Variants in NGLY1 observed in about 807,000 individuals in gnomAD.
NGLY1 encodes peptide-N(4)-(N-acetyl-beta-glucosaminyl)asparagine amidase.
NGLY1 carries 68 observed loss-of-function variants against 84.6 expected under a neutral mutation model. That is an observed-to-expected ratio of 0.80 (90% CI 0.66 to 0.98). The LOEUF is 0.98. Ranked by LOEUF, NGLY1 falls within the 50% of genes least tolerant of loss-of-function variation. The pLI is 0.00. For synonymous variants in NGLY1, 280 were observed against 275.2 expected (o/e 1.02, Z -0.17); for missense variants, 779 against 770.2 (o/e 1.01, Z -0.14).
chr3:25,736,217 A>G, intron 6 of NGLY1, 68 bp from the exon 7 acceptor site: 1 of 1,580,654 alleles, frequency 6.3e-7, no homozygotes, highest in Non-Finnish European at 8.6e-7. Flanking sequence ...TTCAATAACT[A>G]TACACAAACT....
chr3:25,764,333 A>T, intron 2 of NGLY1, 22 bp from the exon 3 acceptor site: 1 of 1,602,392 alleles, frequency 6.2e-7, no homozygotes, highest in South Asian at 1.1e-5. Flanking sequence ...AAAATTAAAA[A>T]AAATGTGAAC....
At position 25,732,440 on chromosome 3, in the gene NGLY1, T is replaced by C. The variant is rs372323207; in HGVS notation, c.1304A>G (p.Gln435Arg). The part of the protein sequence containing the change: ...LSENRRKELL[Q>R]RIIVELVEFI... ...TTCAACAAGCTCCACAATTATCCTC[T>C]GGAGAAGTTCTTTCCTTCTGTTTTC... The change falls in exon 9 of 12, where the codon CAG becomes CGG. Residue 435 changes from glutamine (Q) to arginine (R), a missense_variant. Transcript: ENST00000280700. The C allele has an allele frequency of 6.2e-6, 10 of 1,613,524 alleles. No homozygotes were observed. The African/African-American group carries it at 1.3e-4, about 22-fold the overall frequency.
intron 5 of NGLY1, among the ~76,000 whole-genome samples, chr3:25,738,495 G>A (rs1705955719): frequency 6.6e-6 from 1 of 152,154 alleles, no homozygotes. Context: ...AGAGAGGTCA[G>A]CCACGTGCTT....
At chr3:25,783,634 G>A (rs1708532321), upstream of NGLY1, 1 of 305,298 alleles carries the variant, frequency 3.3e-6, no homozygotes, top group African/African-American at 2.3e-5. This position sits in a 1 kb window ranked among gnomAD's most constrained non-coding sequence, Gnocchi z 4.5. Context: ...GTCGGGGACC[G>A]GGGCCAGGAG....
intron 2 of NGLY1, chr3:25,777,700 C>G (rs1376776297): frequency 1.3e-5 from 2 of 152,146 alleles, no homozygotes; most frequent in African/African-American, 4.8e-5. Flanking sequence ...TATTCTATTA[C>G]CTGGTCTTAT....
intron 10 of NGLY1, 142 bp from the exon 11 acceptor site, chr3:25,720,333 G>T: frequency 1.6e-6 from 1 of 606,828 alleles, no homozygotes; most frequent in Non-Finnish European, 2.6e-6. Context: ...TGTTGAAAAG[G>T]TTCTTACTGC....
Position 25,729,214 on chromosome 3 carries a change from G to A in NGLY1, c.1530C>T (p.Asn510=). ...VKDRYVRVSN[N]NQTISGWENG... is the part of the protein sequence containing the mutation. ...TCTCCCATCCAGAAATGGTTTGATT[G>A]TTATTTGAAACTCGAACATAACGAT... Residue 510 remains asparagine, a synonymous_variant, in exon 10 of 12, where the codon AAC becomes AAT. Transcript: ENST00000280700. 1.3e-6 allele frequency: 2 copies of A among 1,567,422 alleles called. No homozygotes were observed. The highest frequency in any genetic ancestry group is 2.3e-5 in the East Asian group (1 of 42,918).
At chr3:25,744,328 T>C (rs1049368718) in intron 4 of NGLY1, among the ~76,000 whole-genome samples, 5 of 152,250 alleles carry the variant, frequency 3.3e-5, no homozygotes, top group Non-Finnish European at 5.9e-5. Flanking sequence ...CATGCAATCA[T>C]GACAAACCTT....
intron 10 of NGLY1, among the ~76,000 whole-genome samples, chr3:25,728,758 C>T (rs1705388054): frequency 6.6e-6 from 1 of 151,876 alleles, no homozygotes; most frequent in South Asian, 2.1e-4. Context: ...AATGGGCAAT[C>T]AATACACATC....
intron 10 of NGLY1, among the ~76,000 whole-genome samples, chr3:25,723,831 T>C (rs945993352): frequency 6.7e-6 from 1 of 150,034 alleles, no homozygotes; most frequent in African/African-American, 2.5e-5. Context: ...AGTGTTGCTA[T>C]CCTACTTTAG....
intron 2 of NGLY1, among the ~76,000 whole-genome samples, chr3:25,775,283 T>G (rs760445367): frequency 2.6e-5 from 4 of 152,252 alleles, no homozygotes; most frequent in Non-Finnish European, 5.9e-5. Context: ...AAGTTAGTCC[T>G]GTCTCCTATC....
Position 25,755,409 on chromosome 3 carries a change from CACAA to C in NGLY1, c.493-4150_493-4147del, listed in dbSNP as rs1171694931. ...CCTACCACTCCTACTATAGTGACCC[CACAA>C]ACAGTGTCTGTCCCAAATAAAGTTT... On this transcript the variant is annotated intron_variant, in intron 3 of 11. Transcript: ENST00000280700. 5 of 1,439,496 alleles carry C rather than the reference CACAA, an allele frequency of 3.5e-6. No individual in the cohort carries two copies. In the East Asian group the frequency reaches 9.1e-5, roughly 26 times the overall value. 89.2% of individuals were successfully genotyped at this position (1,439,496 alleles called of 1,614,324 possible).
intron 4 of NGLY1, among the ~76,000 whole-genome samples, chr3:25,747,980 G>A (rs770066481): frequency 3.7e-4 from 57 of 152,214 alleles, no homozygotes; most frequent in Admixed American, 1.0e-3. Flanking sequence ...AATCCTTTGT[G>A]GCTCTAGAAA....
intron 3 of NGLY1, among the ~76,000 whole-genome samples, chr3:25,760,841 C>T (rs1244470396): frequency 4.4e-5 from 3 of 67,652 alleles, no homozygotes; most frequent in Non-Finnish European, 8.6e-5. Context: ...GCCTGGGCAA[C>T]AAGAGTGAAA....
chr3:25,742,613 A>G (rs374252839), intron 4 of NGLY1, among the ~76,000 whole-genome samples: 44 of 152,320 alleles, frequency 2.9e-4, no homozygotes, highest in African/African-American at 1.1e-3. Flanking sequence ...AATTAGTTAC[A>G]TTAAAAACAA....
intron 1 of NGLY1, 45 bp from the exon 2 acceptor site, chr3:25,778,733 C>G (rs967091494): frequency 1.7e-6 from 2 of 1,174,232 alleles, no homozygotes; most frequent in African/African-American, 1.5e-5. Context: ...AAAACCAGGT[C>G]ATAGTTCTTC....
In NGLY1 at chr3:25,764,219, C is replaced by T; in HGVS notation, c.339G>A (p.Leu113=). 1 of 1,614,118 alleles carries T rather than the reference C, an allele frequency of 6.2e-7. No homozygotes were observed. Among genetic ancestry groups the T allele is most frequent in the South Asian group, 1.1e-5 (1 of 91,078 alleles). Residue 113 remains leucine, a synonymous_variant, in exon 3 of 12, where the codon CTG becomes CTA. Coordinates refer to ENST00000280700, the MANE Select transcript of NGLY1 (RefSeq NM_018297.4). ...CTTTGTGGCTCTTATTTGAGCCATC[C>T]AGTCTGCTACTTCTCTCTATGGCAA... ...DLIAIERSSR[L]DGSNKSHKVK... is the part of the protein sequence containing the mutation.
intron 1 of NGLY1, among the ~76,000 whole-genome samples, chr3:25,780,235 C>T (rs1287727484): frequency 6.6e-6 from 1 of 152,176 alleles, no homozygotes; most frequent in Admixed American, 6.5e-5. Flanking sequence ...CATGTGGGGC[C>T]TTTTCTCAGT....
In NGLY1 at chr3:25,783,154, C is replaced by A. The variant is rs1708498982; in HGVS notation, c.131+106G>T. 2 of 1,052,442 alleles carry A rather than the reference C, an allele frequency of 1.9e-6. No homozygotes were observed. The highest frequency in any genetic ancestry group is 1.4e-6 in the Non-Finnish European group (1 of 716,384). The allele number at this position is 1,052,442 out of a possible 1,614,324, so 65.2% of individuals were successfully genotyped here. On this transcript the variant is annotated intron_variant, in intron 1 of 11. Transcript: ENST00000280700. The surrounding 1 kb of genome is among the most constrained non-coding windows in gnomAD (Gnocchi z 4.5). ...AGCTCCAGGTCCCGGTCTGTCCGGG[C>A]GTCGCTGCCCTCTGAAGCTCAGGCC...
Sources: gnomAD v4.1 joint callset for allele counts (sites outside exome capture counted in the v4.1 genomes callset) on GRCh38, gnomAD v4.1.1 for gene constraint, Gnocchi (gnomAD v3.1) non-coding constraint, MANE v1.5 for transcripts, NCBI Gene and HGNC (gene_info 2026-07-23, HGNC 2026-07-21) for gene names.